The following SRCIN1 variants were observed in gnomAD, a reference collection of about 807,000 sequenced individuals.
SRCIN1 encodes SRC kinase signaling inhibitor 1.
Under a neutral mutation model 116.2 loss-of-function variants are expected in SRCIN1, and 50 were observed. That is an observed-to-expected ratio of 0.43 (90% confidence interval 0.34 to 0.54). The LOEUF (loss-of-function observed/expected upper bound fraction) is 0.54. Ranked by LOEUF, SRCIN1 falls within the 20% of genes least tolerant of loss-of-function variation. The pLI, the probability that SRCIN1 is intolerant of heterozygous loss-of-function variation, is 0.02. For synonymous variants in SRCIN1, 736 were observed against 750.0 expected (o/e 0.98, Z 0.30); for missense variants, 1,446 against 1,672.0 (o/e 0.86, Z 2.36).
intron 1 of SRCIN1, among the ~76,000 whole-genome samples, chr17:38,589,894 G>A (rs972787908): frequency 2.0e-5 from 3 of 152,310 alleles, no homozygotes; most frequent in Non-Finnish European, 2.9e-5. Flanking sequence ...AGGATGGGGC[G>A]AGGGCAGCCC....
In SRCIN1 at chr17:38,585,080, C is replaced by A. The variant is rs1753900792; in HGVS notation, c.23-6289G>T. ...CCTGAGAGGCTGTCACATGTGTGCC[C>A]CGACCCACTGCCTGGGCAGGGGTAG... is the stretch of plus-strand genomic sequence containing the variant. On this transcript the variant is annotated intron_variant, in intron 1 of 18. Coordinates refer to ENST00000617146, the MANE Select transcript of SRCIN1 (RefSeq NM_025248.3). The surrounding 1 kb of genome is among the most constrained non-coding windows in gnomAD (Gnocchi z 4.2). 2.6e-5 allele frequency among the ~76,000 whole-genome samples: 4 copies of A among 152,196 alleles called. No homozygotes were observed. The South Asian group carries it at 8.3e-4, about 31-fold the overall frequency.
Position 38,567,033 on chromosome 17 carries a change from T to A in SRCIN1, c.345+1178A>T, listed in dbSNP as rs78174107. 2.6e-5 allele frequency among the ~76,000 whole-genome samples: 4 copies of A among 152,234 alleles called. No homozygotes were observed. The East Asian group carries it at 5.8e-4, about 22-fold the overall frequency. On this transcript the variant is annotated intron_variant, in intron 3 of 18. Transcript: ENST00000617146. ...GCGCAGAGGTGCAAACATAGCTCAC[T>A]GCAGCCTCAATCTCCCATACTCAAG...
In SRCIN1 at chr17:38,548,620, T is replaced by C. The variant is rs778890111; in HGVS notation, c.3207A>G (p.Pro1069=). 1 of 1,613,040 alleles carries C rather than the reference T, an allele frequency of 6.2e-7. No individual in the cohort carries two copies. Among genetic ancestry groups the C allele is most frequent in the South Asian group, 1.1e-5 (1 of 91,078 alleles). The change falls in exon 17 of 19, where the codon CCA becomes CCG. Residue 1069 remains proline, a synonymous_variant. Coordinates refer to ENST00000617146, the MANE Select transcript of SRCIN1 (RefSeq NM_025248.3). ...CCTTGATGGCCGAGGCCATGATGGGTGGTGTGGAGGCTGGGCGGGCCACCT... is the reference window on the plus strand; with the variant it reads ...CCTTGATGGCCGAGGCCATGATGGGCGGTGTGGAGGCTGGGCGGGCCACCT... ...VSEVARPAST[P]PIMASAIKDE...
chr17:38,552,561 A>ACCC lies in SRCIN1; in HGVS notation c.2363_2365dup (p.Arg788_Val789insGly). The stretch of plus-strand genomic sequence containing the variant: ...CGCCTCCACCTCCACGCGCAGCACC[A>ACCC]CCCGCATCTTGCTCTGCAGGCCCGG... On this transcript the variant is annotated inframe_insertion, in exon 13 of 19. Transcript: ENST00000617146. The surrounding 1 kb of genome is among the most constrained non-coding windows in gnomAD (Gnocchi z 5.3). 6.2e-7 allele frequency: 1 copy of ACCC among 1,610,366 alleles called. No individual in the cohort carries two copies. Among genetic ancestry groups the ACCC allele is most frequent in the Non-Finnish European group, 8.5e-7 (1 of 1,178,594 alleles).
chr17:38,581,625 C>T (rs112287798), intron 1 of SRCIN1, among the ~76,000 whole-genome samples: 3 of 152,074 alleles, frequency 2.0e-5, no homozygotes, highest in Admixed American at 6.6e-5. Flanking sequence ...CTAACAAAAA[C>T]GTATATTGCA....
rs575411512 is a variant in SRCIN1, at chr17:38,547,878, A to G, written c.3270+679T>C. 3.1e-4 allele frequency: 48 copies of G among 153,536 alleles called. 1 individual carries two copies. In the South Asian group the frequency reaches 3.8e-3, roughly 12 times the overall value. The allele number at this position is 153,536 out of a possible 1,614,324, so 9.5% of individuals were successfully genotyped here. A position where few individuals can be genotyped will look rare whatever the true frequency, so the allele number is the denominator to read the frequency against. On this transcript the variant is annotated intron_variant, in intron 17 of 18. Coordinates refer to ENST00000617146, the MANE Select transcript of SRCIN1 (RefSeq NM_025248.3). ...AGGGAAGACACTGAGCTTCTCTCAAACACCTGGGGAGCAGAAGGTGGGGGC... is the reference window on the plus strand; with the variant it reads ...AGGGAAGACACTGAGCTTCTCTCAAGCACCTGGGGAGCAGAAGGTGGGGGC...
chr17:38,583,753 A>G (rs1907955483), intron 1 of SRCIN1, among the ~76,000 whole-genome samples: 1 of 151,954 alleles, frequency 6.6e-6, no homozygotes, highest in African/African-American at 2.4e-5. Flanking sequence ...GAGTTTCACC[A>G]TGTTGGCCAG....
At chr17:38,535,127 GT>G (rs969300592) in intron 18 of SRCIN1, among the ~76,000 whole-genome samples, 2 of 142,718 alleles carry the variant, frequency 1.4e-5, no homozygotes, top group Non-Finnish European at 3.0e-5. Context: ...ATGAGGCCCT[GT>G]TTTTTTGTTT....
intron 14 of SRCIN1, 133 bp from the exon 15 acceptor site, chr17:38,551,522 A>G (rs1423890580): frequency 2.5e-6 from 2 of 806,200 alleles, no homozygotes; most frequent in Non-Finnish European, 3.9e-6. Context: ...CACCTCCAGG[A>G]AGACACTTTG....
In SRCIN1 at chr17:38,556,021, G is replaced by A. The variant is rs553229018; in HGVS notation, c.2201+2206C>T. ...CTGATCACCCAATCTGCCAAAGTTG[G>A]GGGGCCTCTAACCTGGGCAAGCTCT... On this transcript the variant is annotated intron_variant, in intron 11 of 18. Transcript: ENST00000617146. Among the ~76,000 whole-genome samples the A allele has an allele frequency of 3.0e-4, 45 of 152,242 alleles. No individual in the cohort carries two copies. The Middle Eastern group carries it at 0.014, about 46-fold the overall frequency.
Position 38,572,594 on chromosome 17 carries a change from C to G in SRCIN1, c.325-4363G>C, listed in dbSNP as rs1907160349. The G allele has an allele frequency of 6.6e-6, 1 of 152,206 alleles. No homozygotes were observed. The highest frequency in any genetic ancestry group is 2.1e-4 in the South Asian group (1 of 4,820). The allele number at this position is 152,206 out of a possible 1,614,324, so 9.4% of individuals were successfully genotyped here. A position where few individuals can be genotyped will look rare whatever the true frequency, so the allele number is the denominator to read the frequency against. The stretch of plus-strand genomic sequence containing the variant: ...ATGGCTCTCGGTGCCGCGGAGCGGG[C>G]CCCCATCTCCGTGTCCCCGCCCCCC... On this transcript the variant is annotated intron_variant, in intron 2 of 18. Transcript: ENST00000617146. The surrounding 1 kb of genome is among the most constrained non-coding windows in gnomAD (Gnocchi z 4.3).
Position 38,562,006 on chromosome 17 carries a change from C to G in SRCIN1, c.1157G>C (p.Gly386Ala), listed in dbSNP as rs1297697548. The G allele has an allele frequency of 1.3e-6, 2 of 1,494,252 alleles. No homozygotes were observed. Among genetic ancestry groups the G allele is most frequent in the Non-Finnish European group, 1.8e-6 (2 of 1,129,874 alleles). 92.6% of individuals were successfully genotyped at this position (1,494,252 alleles called of 1,614,324 possible). The change falls in exon 7 of 19, where the codon GGC becomes GCC. Residue 386 changes from glycine to alanine, a missense_variant. Gly to Ala is a moderately conservative substitution (Grantham distance 60). This residue lies in a region of SRCIN1 where 239 missense variants were observed against 317.7 expected (regional missense o/e 0.75). Coordinates refer to ENST00000617146, the MANE Select transcript of SRCIN1 (RefSeq NM_025248.3). This position sits in a 1 kb window ranked among gnomAD's most constrained non-coding sequence, Gnocchi z 4.2. ...GCCCTCGCCTTTCACCAGCACCATGCCGCCCGCCTTGCTCGCCAGGTCCTC... is the reference window on the plus strand; with the variant it reads ...GCCCTCGCCTTTCACCAGCACCATGGCGCCCGCCTTGCTCGCCAGGTCCTC... ...PDEDLASKAGGMVLVKGEGLY... is the reference protein window; with the variant it reads ...PDEDLASKAGAMVLVKGEGLY...
In SRCIN1 at chr17:38,535,840, TC is replaced by T. The variant is rs199799563; in HGVS notation, c.3418-2410del. 9.0e-3 allele frequency among the ~76,000 whole-genome samples: 1,370 copies of T among 152,260 alleles called. 27 individuals are homozygous for T. The highest frequency in any genetic ancestry group is 0.031 in the African/African-American group (1,272 of 41,564). ...TGATGTCTCTTCACACCTCACCATGTCCCCCGGCAAGGTGCTGATTCTCCCC... is the reference window on the plus strand; with the variant it reads ...TGATGTCTCTTCACACCTCACCATGTCCCCGGCAAGGTGCTGATTCTCCCC... On this transcript the variant is annotated intron_variant, in intron 18 of 18. Coordinates refer to ENST00000617146, the MANE Select transcript of SRCIN1 (RefSeq NM_025248.3).
chr17:38,581,500 A>T (rs1215373948), intron 1 of SRCIN1, among the ~76,000 whole-genome samples: 1 of 149,698 alleles, frequency 6.7e-6, no homozygotes, highest in Admixed American at 6.6e-5. Context: ...TTATTTTCAT[A>T]AGGATTAGAA....
At position 38,562,030 on chromosome 17, in the gene SRCIN1, T is replaced by C. The variant is rs1355446910; in HGVS notation, c.1133A>G (p.Glu378Gly). ...GCCGCCCGCCTTGCTCGCCAGGTCCTCGTCCGGCTTCACGTCGCGCCGCTC... is the reference window on the plus strand; with the variant it reads ...GCCGCCCGCCTTGCTCGCCAGGTCCCCGTCCGGCTTCACGTCGCGCCGCTC... ...ILERRDVKPD[E>G]DLASKAGGMV... is the part of the protein sequence containing the mutation. Residue 378 changes from glutamate (E) to glycine (G), a missense_variant, in exon 7 of 19, where the codon GAG becomes GGG. By Grantham distance (98) the Glu-to-Gly change is moderately conservative. Transcript: ENST00000617146. This position sits in a 1 kb window ranked among gnomAD's most constrained non-coding sequence, Gnocchi z 4.2. 6.7e-7 allele frequency: 1 copy of C among 1,491,834 alleles called. No individual in the cohort carries two copies. The highest frequency in any genetic ancestry group is 2.2e-5 in the Admixed American group (1 of 44,916). 92.4% of individuals were successfully genotyped at this position (1,491,834 alleles called of 1,614,324 possible).
intron 2 of SRCIN1, among the ~76,000 whole-genome samples, chr17:38,570,179 C>T (rs1383500378): frequency 6.6e-6 from 1 of 152,108 alleles, no homozygotes; most frequent in Non-Finnish European, 1.5e-5. Flanking sequence ...AGAGGGGCTC[C>T]CCAGTCAGAA....
In SRCIN1 at chr17:38,558,439, G is replaced by T. The variant is rs774536881; in HGVS notation, c.2026-37C>A. The T allele has an allele frequency of 1.3e-6, 2 of 1,550,394 alleles. No homozygotes were observed. The highest frequency in any genetic ancestry group is 1.7e-6 in the Non-Finnish European group (2 of 1,155,884). ...ACGGACGGATGGACCCGGGTGGGGGGAGCGGAGCCGCGAGGCAGGGGAAGG... is the reference window on the plus strand; with the variant it reads ...ACGGACGGATGGACCCGGGTGGGGGTAGCGGAGCCGCGAGGCAGGGGAAGG... On this transcript the variant is annotated intron_variant, in intron 10 of 18. Coordinates refer to ENST00000617146, the MANE Select transcript of SRCIN1 (RefSeq NM_025248.3). This position sits in a 1 kb window ranked among gnomAD's most constrained non-coding sequence, Gnocchi z 4.6.
chr17:38,599,787 A>G (rs1365530044), intron 1 of SRCIN1, among the ~76,000 whole-genome samples: 1 of 152,178 alleles, frequency 6.6e-6, no homozygotes, highest in Non-Finnish European at 1.5e-5. Context: ...AGCCCAGTGC[A>G]TGCGTGGGGC....
At chr17:38,577,542 A>G (rs1907494660) in intron 2 of SRCIN1, among the ~76,000 whole-genome samples, 1 of 152,146 alleles carries the variant, frequency 6.6e-6, no homozygotes, top group Admixed American at 6.5e-5. Context: ...GAAAAGGGAG[A>G]CAGGGACTGA....
Sources: allele counts gnomAD v4.1 joint callset (sites outside exome capture counted in the v4.1 genomes callset), GRCh38; gene constraint gnomAD v4.1.1; regional missense constraint gnomAD v4.1.1; non-coding constraint Gnocchi (gnomAD v3.1); transcripts MANE v1.5; gene names NCBI Gene and HGNC (gene_info 2026-07-23, HGNC 2026-07-21).